The following ITPR2 variants were observed in gnomAD, a reference collection of about 807,000 sequenced individuals.
ITPR2 encodes the protein inositol 1,4,5-trisphosphate-gated calcium channel ITPR2.
Under a neutral mutation model 317.1 loss-of-function variants are expected in ITPR2, and 207 were observed. The observed-to-expected ratio is 0.65, with a 90% CI of 0.58 to 0.73. The LOEUF is 0.73. Ranked by LOEUF, ITPR2 falls within the 30% of genes least tolerant of loss-of-function variation. The pLI is 0.00. For synonymous variants in ITPR2, 1,156 were observed against 1,149.1 expected (o/e 1.01, Z -0.12); for missense variants, 2,613 against 3,284.0 (o/e 0.80, Z 4.99).
rs573915702 is a variant in ITPR2 at position 26,709,734 on chromosome 12, T to C, written c.951+1439A>G. On this transcript the variant is annotated intron_variant, in intron 9 of 56. Coordinates refer to ENST00000381340, the MANE Select transcript of ITPR2 (RefSeq NM_002223.4). ...TTTAATCCTAATTTCTTATCTTTTA[T>C]AGGATATCTAGTTAGGCTTTTGTAA... 7.2e-5 allele frequency among the ~76,000 whole-genome samples: 11 copies of C among 152,340 alleles called. No homozygotes were observed. In the East Asian group the frequency reaches 2.1e-3, roughly 29 times the overall value.
At chr12:26,728,251 T>C (rs947315070) in intron 2 of ITPR2, among the ~76,000 whole-genome samples, 5 of 152,126 alleles carry the variant, frequency 3.3e-5, no homozygotes, top group South Asian at 2.1e-4. Context: ...TGGGTAGCCG[T>C]AGATGTAAAA....
At chr12:26,773,240 G>A (rs569720881) in intron 2 of ITPR2, among the ~76,000 whole-genome samples, 2 of 152,288 alleles carry the variant, frequency 1.3e-5, no homozygotes, top group East Asian at 3.9e-4. Context: ...CTAACATGGA[G>A]AAAGGCCGTT....
In ITPR2 at chr12:26,436,308, G is replaced by A; in HGVS notation, c.6682C>T (p.Leu2228Phe). 1 of 1,613,378 alleles carries A rather than the reference G, an allele frequency of 6.2e-7. No individual in the cohort carries two copies. Among genetic ancestry groups the A allele is most frequent in the Non-Finnish European group, 8.5e-7 (1 of 1,179,586 alleles). ...AGGTTGAAGGAAATGCTCCCCCAGA[G>A]AGAGATGTGCCTCGAGAACCAGAAC... is the stretch of plus-strand genomic sequence containing the variant. ...ALFWFSRHIS[L>F]WGSISFNLAV... Residue 2228 changes from leucine to phenylalanine, a missense_variant, in exon 48 of 57, where the codon CTC (leucine) becomes TTC (phenylalanine). Coordinates refer to ENST00000381340, the MANE Select transcript of ITPR2 (RefSeq NM_002223.4).
At chr12:26,514,554 A>T (rs1943439388) in intron 37 of ITPR2, among the ~76,000 whole-genome samples, 1 of 152,214 alleles carries the variant, frequency 6.6e-6, no homozygotes, top group Non-Finnish European at 1.5e-5. Context: ...TCTGGAAATA[A>T]TAGTACATTG....
chr12:26,637,365 T>C (rs1946886213), intron 21 of ITPR2, among the ~76,000 whole-genome samples: 1 of 152,146 alleles, frequency 6.6e-6, no homozygotes. Flanking sequence ...GCACACAAAA[T>C]TGCTTAGGAA....
chr12:26,559,670 T>C (rs897943503), intron 35 of ITPR2, among the ~76,000 whole-genome samples: 5 of 152,192 alleles, frequency 3.3e-5, no homozygotes, highest in Non-Finnish European at 1.5e-5. Flanking sequence ...CTACATGATT[T>C]GGCCCCTTAT....
chr12:26,601,984 T>C (rs545061247), intron 28 of ITPR2, among the ~76,000 whole-genome samples: 6 of 152,230 alleles, frequency 3.9e-5, no homozygotes, highest in Non-Finnish European at 8.8e-5. Context: ...AATAACTGGT[T>C]ATTTTCAAGA....
chr12:26,794,397 T>C (rs542584680), intron 1 of ITPR2, among the ~76,000 whole-genome samples: 61 of 152,322 alleles, frequency 4.0e-4, no homozygotes, highest in Admixed American at 3.5e-3. Context: ...CGTTTTCTTA[T>C]CTATTTTCTA....
intron 1 of ITPR2, among the ~76,000 whole-genome samples, chr12:26,817,940 C>T (rs1022245491): frequency 4.6e-5 from 7 of 152,104 alleles, no homozygotes; most frequent in African/African-American, 1.7e-4. Context: ...CACCTGGCTA[C>T]AAAGGAGGCT....
At chr12:26,710,985 A>C (rs7296621) in intron 9 of ITPR2, among the ~76,000 whole-genome samples, 188 bp downstream of exon 9, 28,952 of 152,170 alleles carry the variant, frequency 0.19, 3,782 homozygotes, top group African/African-American at 0.37. Context: ...TTGTTGTCTT[A>C]ATTTGTAATA....
chr12:26,446,864 A>G (rs1941621277), intron 45 of ITPR2, among the ~76,000 whole-genome samples: 1 of 152,104 alleles, frequency 6.6e-6, no homozygotes, highest in African/African-American at 2.4e-5. Context: ...ATTGAAAAAG[A>G]ACAATAAAAA....
At chr12:26,654,967 A>C (rs1201545135) in intron 20 of ITPR2, among the ~76,000 whole-genome samples, 1 of 152,208 alleles carries the variant, frequency 6.6e-6, no homozygotes, top group African/African-American at 2.4e-5. Context: ...TTCCTGACCC[A>C]TAGAAGCTAT....
intron 55 of ITPR2, among the ~76,000 whole-genome samples, chr12:26,366,768 C>G (rs544859008): frequency 1.3e-5 from 2 of 152,072 alleles, no homozygotes; most frequent in East Asian, 3.8e-4. Flanking sequence ...AGTTCCAAAA[C>G]CATAAAAAAA....
At chr12:26,567,419 T>C (rs1237296634) in intron 34 of ITPR2, among the ~76,000 whole-genome samples, 2 of 152,158 alleles carry the variant, frequency 1.3e-5, no homozygotes, top group African/African-American at 4.8e-5. Context: ...GGTTTTTTTG[T>C]TTCCCTCAAA....
intron 37 of ITPR2, among the ~76,000 whole-genome samples, chr12:26,517,587 T>C (rs1591849431): frequency 6.6e-6 from 1 of 152,118 alleles, no homozygotes; most frequent in East Asian, 1.9e-4. Flanking sequence ...CCTGTAATCC[T>C]AGCACTTTGG....
At position 26,339,403 on chromosome 12, in the gene ITPR2, T is replaced by C; in HGVS notation, c.8100A>G (p.Pro2700=). Residue 2700 remains proline, a synonymous_variant, in exon 57 of 57, where the codon CCA becomes CCG. Transcript: ENST00000381340. ...NTPHVNHHMP[P]H ...ACGGCTTCCCCCCATGGTATCAGTGTGGTGGCATGTGATGATTCACATGGG... is the reference window on the plus strand; with the variant it reads ...ACGGCTTCCCCCCATGGTATCAGTGCGGTGGCATGTGATGATTCACATGGG... 1 of 1,612,884 alleles carries C rather than the reference T, an allele frequency of 6.2e-7. No individual in the cohort carries two copies. Among genetic ancestry groups the C allele is most frequent in the Non-Finnish European group, 8.5e-7 (1 of 1,179,044 alleles).
At chr12:26,639,608 T>G in intron 21 of ITPR2, among the ~76,000 whole-genome samples, 1 of 146,758 alleles carries the variant, frequency 6.8e-6, no homozygotes, top group African/African-American at 2.5e-5. Context: ...CTCCTGATGC[T>G]ATCCCTCCCC....
At chr12:26,737,829 A>G (rs117867326) in intron 2 of ITPR2, among the ~76,000 whole-genome samples, 4,798 of 152,338 alleles carry the variant, frequency 0.031, 67 homozygotes, top group Middle Eastern at 0.068. Context: ...CCAACTTTAC[A>G]TTCCACATGA....
chr12:26,751,830 C>T (rs1949426859), intron 2 of ITPR2, among the ~76,000 whole-genome samples: 1 of 151,266 alleles, frequency 6.6e-6, no homozygotes, highest in African/African-American at 2.4e-5. Context: ...GGTGCCACTG[C>T]ACTCCAGCCT....
Sources: allele counts gnomAD v4.1 joint callset (sites outside exome capture counted in the v4.1 genomes callset), GRCh38; gene constraint gnomAD v4.1.1; transcripts MANE v1.5; gene names NCBI Gene and HGNC (gene_info 2026-07-23, HGNC 2026-07-21).